RUNDC3B: variants seen among roughly 807,000 people sequenced by gnomAD.
The protein encoded by RUNDC3B is RUN domain containing 3B.
A neutral mutation model predicts 58.4 loss-of-function variants in RUNDC3B; 33 were observed. The observed-to-expected ratio is 0.56, with a 90% confidence interval of 0.43 to 0.75. The LOEUF is 0.75. Among genes scored for constraint, RUNDC3B ranks in the 30% least tolerant of loss-of-function variants. The pLI, the probability that RUNDC3B is intolerant of heterozygous loss-of-function variation, is 0.00. For missense variants in RUNDC3B, 501 were observed against 535.7 expected, an observed-to-expected ratio of 0.94 and a Z score of 0.64; for synonymous variants, 193 against 195.2, an observed-to-expected ratio of 0.99 and a Z score of 0.10.
chr7:87,818,983 C>T (rs896770890), intron 10 of RUNDC3B, among the ~76,000 whole-genome samples: 1 of 152,172 alleles, frequency 6.6e-6, no homozygotes, highest in Non-Finnish European at 1.5e-5. Context: ...GGCAGCACTC[C>T]TCTCAAGGGG....
chr7:87,718,637 A>T (rs1830697278), intron 4 of RUNDC3B, among the ~76,000 whole-genome samples: 1 of 152,198 alleles, frequency 6.6e-6, no homozygotes, highest in Non-Finnish European at 1.5e-5. Context: ...GAAGATGGAA[A>T]GTCCTTTACA....
intron 8 of RUNDC3B, among the ~76,000 whole-genome samples, chr7:87,788,703 C>CTTTTTTTTTTTT (rs5885597): frequency 6.2e-5 from 8 of 128,292 alleles, no homozygotes; most frequent in Middle Eastern, 4.4e-3. Flanking sequence ...CTTTTCAAAA[C>CTTTTTTTTTTTT]TTTTTTTTTT....
rs370859797 is a variant in RUNDC3B, at chr7:87,717,886, G to A, written c.458+7231G>A. Among the ~76,000 whole-genome samples the A allele has an allele frequency of 2.4e-4, 36 of 152,064 alleles. No individual in the cohort carries two copies. The South Asian group carries it at 7.1e-3, about 30-fold the overall frequency. On this transcript the variant is annotated intron_variant, in intron 4 of 10. Coordinates refer to ENST00000394654, the MANE Select transcript of RUNDC3B (RefSeq NM_001134405.2). ...TTTATACCTAAACCTAATACAGTTAGAAAAGAAAATTATAGACAAATATCA... is the reference window on the plus strand; with the variant it reads ...TTTATACCTAAACCTAATACAGTTAAAAAAGAAAATTATAGACAAATATCA...
In RUNDC3B at chr7:87,829,911, G is replaced by A. The variant is rs1163227028; in HGVS notation, c.1252G>A (p.Gly418Ser). 6.2e-7 allele frequency: 1 copy of A among 1,604,784 alleles called. No individual in the cohort carries two copies. Among genetic ancestry groups the A allele is most frequent in the Non-Finnish European group, 8.5e-7 (1 of 1,174,738 alleles). Residue 418 changes from glycine (G) to serine (S), a missense_variant, in exon 11 of 11, where the codon GGC (glycine) becomes AGC (serine). Transcript: ENST00000394654. ...EGKEDTPSLL[G>S]LCGSLTSVAS... ...TAAGGAAGATACTCCCTCATTACTT[G>A]GCCTCTGTGGATCTCTAACGTCAGT...
intron 2 of RUNDC3B, among the ~76,000 whole-genome samples, chr7:87,694,787 CAG>C (rs1828351276): frequency 6.6e-6 from 1 of 152,122 alleles, no homozygotes; most frequent in Admixed American, 6.6e-5. Context: ...TTCTCCATTT[CAG>C]AGAGAGTAAA....
At chr7:87,737,290 T>C (rs145571456) in intron 4 of RUNDC3B, among the ~76,000 whole-genome samples, 160 of 152,248 alleles carry the variant, frequency 1.1e-3, no homozygotes, top group African/African-American at 3.8e-3. Flanking sequence ...CATCTCAGGC[T>C]TTACTCCTGG....
intron 10 of RUNDC3B, 37 bp from the exon 11 acceptor site, chr7:87,829,848 G>C: frequency 6.9e-7 from 1 of 1,445,080 alleles, no homozygotes; most frequent in Non-Finnish European, 9.6e-7. Flanking sequence ...ATTCTTGAAG[G>C]GCAATTAATT....
Position 87,795,847 on chromosome 7 carries a change from G to T in RUNDC3B, c.957-11526G>T, listed in dbSNP as rs186138610. 2.9e-3 allele frequency among the ~76,000 whole-genome samples: 438 copies of T among 152,212 alleles called. 3 individuals carry two copies. Among genetic ancestry groups the T allele is most frequent in the African/African-American group, 9.9e-3 (409 of 41,520 alleles). ...AGAGGTTGCAGTGAGCCAAGATCAT[G>T]CCACTGCACTCCAGCCTGAGCGTCA... is the stretch of plus-strand genomic sequence containing the variant. On this transcript the variant is annotated intron_variant, in intron 8 of 10. Transcript: ENST00000394654.
intron 2 of RUNDC3B, among the ~76,000 whole-genome samples, chr7:87,671,244 G>A (rs1214415003): frequency 3.9e-5 from 6 of 152,304 alleles, no homozygotes; most frequent in South Asian, 2.1e-4. Context: ...GGTTGGAGGT[G>A]TGGACACGAC....
At chr7:87,629,178 A>T in intron 1 of RUNDC3B, 1 of 392,880 alleles carries the variant, frequency 2.5e-6, no homozygotes, top group Non-Finnish European at 4.5e-6. Context: ...TGGAGGGTAG[A>T]GCTTGGGGCG....
At chr7:87,675,586 A>G (rs1192246444) in intron 2 of RUNDC3B, among the ~76,000 whole-genome samples, 1 of 150,882 alleles carries the variant, frequency 6.6e-6, no homozygotes, top group Non-Finnish European at 1.5e-5. Context: ...CAAGACACCA[A>G]GAGTACACAA....
intron 4 of RUNDC3B, among the ~76,000 whole-genome samples, chr7:87,722,861 TGGA>T (rs1830983838): frequency 1.3e-5 from 2 of 152,198 alleles, no homozygotes. Context: ...TGTGTTCCAC[TGGA>T]GAGTTAAAAC....
At chr7:87,740,124 C>T (rs544548014) in intron 5 of RUNDC3B, among the ~76,000 whole-genome samples, 9 of 152,180 alleles carry the variant, frequency 5.9e-5, no homozygotes, top group African/African-American at 2.2e-4. Flanking sequence ...AAAACTTAGA[C>T]TATATCCCAT....
In RUNDC3B at chr7:87,829,593, G is replaced by A. The variant is rs115476188; in HGVS notation, c.1226-292G>A. Among the ~76,000 whole-genome samples the A allele has an allele frequency of 4.7e-3, 718 of 152,042 alleles. 5 individuals are homozygous for A. Among genetic ancestry groups the A allele is most frequent in the African/African-American group, 0.017 (689 of 41,510 alleles). On this transcript the variant is annotated intron_variant, in intron 10 of 10. Coordinates refer to ENST00000394654, the MANE Select transcript of RUNDC3B (RefSeq NM_001134405.2). ...CACCTTTCTATTTTGGTTACAGCTT[G>A]AAGTTAGTTGATGTGATGCTTCTAG...
intron 4 of RUNDC3B, among the ~76,000 whole-genome samples, chr7:87,712,205 G>C (rs1399221248): frequency 1.3e-5 from 2 of 152,024 alleles, no homozygotes; most frequent in African/African-American, 4.8e-5. Context: ...TTTGCATAAA[G>C]TAAATCTGAT....
intron 9 of RUNDC3B, among the ~76,000 whole-genome samples, chr7:87,813,936 G>A (rs1288660577): frequency 1.3e-5 from 2 of 150,842 alleles, no homozygotes; most frequent in Non-Finnish European, 2.9e-5. Flanking sequence ...AGCGGAGATC[G>A]CGCCACTGCA....
At chr7:87,822,343 G>T (rs538797854) in intron 10 of RUNDC3B, among the ~76,000 whole-genome samples, 1 of 152,126 alleles carries the variant, frequency 6.6e-6, no homozygotes. Flanking sequence ...ATGAGATACC[G>T]TCTCACACCA....
At chr7:87,785,593 A>T (rs1040314939) in intron 8 of RUNDC3B, among the ~76,000 whole-genome samples, 6 of 152,136 alleles carry the variant, frequency 3.9e-5, no homozygotes, top group African/African-American at 1.4e-4. Context: ...GCACCCTCTT[A>T]CAGGAATGGC....
intron 6 of RUNDC3B, among the ~76,000 whole-genome samples, chr7:87,768,833 T>C (rs1834114980): frequency 6.6e-6 from 1 of 152,210 alleles, no homozygotes; most frequent in Non-Finnish European, 1.5e-5. Context: ...TATTCATCTA[T>C]AAATTTGATC....
Sources: gnomAD v4.1 joint callset for allele counts (sites outside exome capture counted in the v4.1 genomes callset) on GRCh38, gnomAD v4.1.1 for gene constraint, MANE v1.5 for transcripts, NCBI Gene and HGNC (gene_info 2026-07-23, HGNC 2026-07-21) for gene names.